GPR137B: variants seen among roughly 807,000 people sequenced by gnomAD.
GPR137B encodes G protein-coupled receptor 137B.
GPR137B carries 42 observed loss-of-function variants against 42.5 expected under a neutral mutation model. The observed-to-expected ratio is 0.99, with a 90% CI of 0.77 to 1.28. The LOEUF is 1.28. Among genes scored for constraint, GPR137B ranks in the 50% most tolerant of loss-of-function variants. The pLI is 0.00. For missense variants in GPR137B, 487 were observed against 493.9 expected (o/e 0.99, Z 0.13); for synonymous variants, 218 against 209.7 (o/e 1.04, Z -0.34).
At chr1:236,205,610 G>C (rs892809346) in intron 6 of GPR137B, among the ~76,000 whole-genome samples, 1 of 152,168 alleles carries the variant, frequency 6.6e-6, no homozygotes, top group Non-Finnish European at 1.5e-5. Context: ...GTGCAATCTT[G>C]GCTCACTGCA....
chr1:236,197,872 C>T (rs12097407), intron 5 of GPR137B, among the ~76,000 whole-genome samples: 29,723 of 151,986 alleles, frequency 0.2, 3,636 homozygotes, highest in African/African-American at 0.33. Flanking sequence ...AGGCATCTAC[C>T]GCCATGCGCA....
chr1:236,156,464 T>G lies in GPR137B; in HGVS notation c.415-12242T>G, dbSNP rs2102895274. 6.6e-6 allele frequency among the ~76,000 whole-genome samples: 1 copy of G among 152,282 alleles called. No individual in the cohort carries two copies. Among genetic ancestry groups the G allele is most frequent in the East Asian group, 1.9e-4 (1 of 5,184 alleles). ...CACAGGACTATGAGTGGGGCTGTGG[T>G]GGTGGTTATCCAGGTCCTGAGTCCC... On this transcript the variant is annotated intron_variant, in intron 1 of 6. Transcript: ENST00000366592. This position sits in a 1 kb window ranked among gnomAD's most constrained non-coding sequence, Gnocchi z 4.8.
At chr1:236,181,725 C>T (rs1662881586) in intron 4 of GPR137B, among the ~76,000 whole-genome samples, 2 of 152,074 alleles carry the variant, frequency 1.3e-5, no homozygotes, top group Non-Finnish European at 2.9e-5. Context: ...ACCAACACCA[C>T]AAACACAGGA....
chr1:236,194,603 T>A (rs1663286748), intron 5 of GPR137B, among the ~76,000 whole-genome samples: 1 of 152,224 alleles, frequency 6.6e-6, no homozygotes, highest in African/African-American at 2.4e-5. Flanking sequence ...AACATATGCC[T>A]GATTTGGTGT....
chr1:236,169,528 A>T (rs1255522061), intron 2 of GPR137B, among the ~76,000 whole-genome samples: 1 of 152,240 alleles, frequency 6.6e-6, no homozygotes, highest in Non-Finnish European at 1.5e-5. Context: ...GGCTTGCAGA[A>T]TCAGGCAGAG....
At chr1:236,167,842 GA>G (rs1410742561) in intron 1 of GPR137B, among the ~76,000 whole-genome samples, 2 of 152,156 alleles carry the variant, frequency 1.3e-5, no homozygotes, top group African/African-American at 4.8e-5. Context: ...AGCATGCGTG[GA>G]CACCTACCTT....
chr1:236,206,678 T>C (rs1663672533), intron 6 of GPR137B, among the ~76,000 whole-genome samples: 1 of 152,244 alleles, frequency 6.6e-6, no homozygotes, highest in South Asian at 2.1e-4. Context: ...ATTCCAAGTT[T>C]TGCTTACCTC....
intron 2 of GPR137B, among the ~76,000 whole-genome samples, chr1:236,174,272 A>G (rs1662624140): frequency 6.6e-6 from 1 of 152,214 alleles, no homozygotes; most frequent in Non-Finnish European, 1.5e-5. Flanking sequence ...GGCTCTGAGA[A>G]TAGGATTTGA....
At chr1:236,193,989 A>G (rs1296520388) in intron 5 of GPR137B, among the ~76,000 whole-genome samples, 1 of 152,152 alleles carries the variant, frequency 6.6e-6, no homozygotes, top group Non-Finnish European at 1.5e-5. Context: ...CAATTTTTCA[A>G]CTTTACAGAT....
intron 1 of GPR137B, among the ~76,000 whole-genome samples, chr1:236,143,479 G>T (rs1011381935): frequency 1.3e-5 from 2 of 152,246 alleles, no homozygotes; most frequent in African/African-American, 4.8e-5. Flanking sequence ...TTGGCCTCCA[G>T]ATTTGGGCCT....
chr1:236,150,355 AG>A lies in GPR137B; in HGVS notation c.414+7321del, dbSNP rs1248533106. Among the ~76,000 whole-genome samples the A allele has an allele frequency of 2.0e-5, 3 of 151,680 alleles. No individual in the cohort carries two copies. The highest frequency in any genetic ancestry group is 4.4e-5 in the Non-Finnish European group (3 of 67,932). On this transcript the variant is annotated intron_variant, in intron 1 of 6. Coordinates refer to ENST00000366592, the MANE Select transcript of GPR137B (RefSeq NM_003272.4). This position sits in a 1 kb window ranked among gnomAD's most constrained non-coding sequence, Gnocchi z 6.2. ...CATGTGTGTGCCTGTGTGTGTGGAA[AG>A]GTTTCCTTATTTTCTTGGTCTGCCG...
chr1:236,204,551 T>A (rs891773358), intron 5 of GPR137B, among the ~76,000 whole-genome samples: 2 of 152,190 alleles, frequency 1.3e-5, no homozygotes, highest in Non-Finnish European at 2.9e-5. Flanking sequence ...GGGAGACTTT[T>A]TATTATGGCT....
chr1:236,204,986 T>TGAA (rs1663612816), intron 5 of GPR137B, 140 bp from the exon 6 acceptor site: 1 of 677,616 alleles, frequency 1.5e-6, no homozygotes. Flanking sequence ...GTAACTGAAA[T>TGAA]GAATATTCCA....
At chr1:236,182,067 T>C (rs1253023161) in intron 4 of GPR137B, among the ~76,000 whole-genome samples, 1 of 152,050 alleles carries the variant, frequency 6.6e-6, no homozygotes, top group East Asian at 1.9e-4. Context: ...AATTTTTTTG[T>C]ATTTTTAGTA....
chr1:236,144,138 G>A (rs1661617434), intron 1 of GPR137B, among the ~76,000 whole-genome samples: 1 of 151,344 alleles, frequency 6.6e-6, no homozygotes, highest in Admixed American at 6.6e-5. Flanking sequence ...GAAAGAGGCC[G>A]TATGCGGTGG....
chr1:236,154,777 C>A (rs1319520821), intron 1 of GPR137B, among the ~76,000 whole-genome samples: 1 of 152,084 alleles, frequency 6.6e-6, no homozygotes, highest in Non-Finnish European at 1.5e-5. Flanking sequence ...GTTTTTGCAT[C>A]GTTTGCCAGC....
At chr1:236,154,641 A>G (rs1280473845) in intron 1 of GPR137B, among the ~76,000 whole-genome samples, 1 of 151,962 alleles carries the variant, frequency 6.6e-6, no homozygotes, top group African/African-American at 2.4e-5. Flanking sequence ...AGACACGTCC[A>G]GCAAGGGCAG....
rs1662546078 is a variant in GPR137B at position 236,171,848 on chromosome 1, C to T, written c.464+3093C>T. ...TCACCTGAGATCAGGAGTTTGAGAC[C>T]ATCCTGGCCAACATGGTGAAATCCC... is the stretch of plus-strand genomic sequence containing the variant. On this transcript the variant is annotated intron_variant, in intron 2 of 6. Transcript: ENST00000366592. The surrounding 1 kb of genome is among the most constrained non-coding windows in gnomAD (Gnocchi z 4.4). Among the ~76,000 whole-genome samples, 1 of 152,034 alleles carries T rather than the reference C, an allele frequency of 6.6e-6. No homozygotes were observed. The highest frequency in any genetic ancestry group is 2.1e-4 in the South Asian group (1 of 4,818).
At chr1:236,185,137 A>G (rs1662987588) in intron 5 of GPR137B, among the ~76,000 whole-genome samples, 2 of 152,164 alleles carry the variant, frequency 1.3e-5, no homozygotes, top group Admixed American at 1.3e-4. Context: ...AGAAGAAATT[A>G]TATTCTTAAT....
Sources: allele counts gnomAD v4.1 joint callset (sites outside exome capture counted in the v4.1 genomes callset), GRCh38; gene constraint gnomAD v4.1.1; non-coding constraint Gnocchi (gnomAD v3.1); transcripts MANE v1.5; gene names NCBI Gene and HGNC (gene_info 2026-07-23, HGNC 2026-07-21).